Variants in KNTC1 observed in about 807,000 individuals in gnomAD.
KNTC1 encodes kinetochore-associated protein 1.
Under a neutral mutation model 314.4 loss-of-function variants are expected in KNTC1, and 253 were observed. The ratio of observed to expected loss-of-function variants is 0.80; its 90% CI spans 0.73 to 0.89. The LOEUF is 0.89. Ranked by LOEUF, KNTC1 falls within the 40% of genes least tolerant of loss-of-function variation. The probability of loss-of-function intolerance (pLI) is 0.00; values close to 1 mark genes in which losing one functional copy is unlikely to be tolerated. For missense variants in KNTC1, 2,475 were observed against 2,572.9 expected, an observed-to-expected ratio of 0.96 and a Z score of 0.82; for synonymous variants, 901 against 901.4, an observed-to-expected ratio of 1.00 and a Z score of 0.01.
chr12:122,582,862 G>C lies in KNTC1; in HGVS notation c.3140G>C (p.Ser1047Thr). 6.2e-7 allele frequency: 1 copy of C among 1,612,226 alleles called. No homozygotes were observed. Among genetic ancestry groups the C allele is most frequent in the Non-Finnish European group, 8.5e-7 (1 of 1,179,132 alleles). The change falls in exon 34 of 64, where the codon AGC becomes ACC. Residue 1047 changes from serine to threonine, a missense_variant. Coordinates refer to ENST00000333479, the MANE Select transcript of KNTC1 (RefSeq NM_014708.6). Reference protein sequence around the residue: ...EPIAAEVRSPSMESKLHRQAL... With the variant: ...EPIAAEVRSPTMESKLHRQAL... ...ATAGCTGCTGAGGTGAGGAGCCCAA[G>C]CATGGAATCAAAGCTGCACAGACAG... is the stretch of plus-strand genomic sequence containing the variant.
intron 2 of KNTC1, among the ~76,000 whole-genome samples, chr12:122,533,362 C>G (rs1961530616): frequency 6.6e-6 from 1 of 152,032 alleles, no homozygotes; most frequent in Admixed American, 6.6e-5. Flanking sequence ...TTGGCAGTGC[C>G]TTCATGTAAC....
intron 3 of KNTC1, 93 bp from the exon 4 acceptor site, chr12:122,538,246 C>T (rs546901876): frequency 1.0e-5 from 7 of 679,430 alleles, no homozygotes; most frequent in South Asian, 3.8e-5. Flanking sequence ...CTTAAGTAAT[C>T]GTTGGCTTTT....
At chr12:122,590,047 G>T (rs1263766237) in intron 40 of KNTC1, among the ~76,000 whole-genome samples, 2 of 151,974 alleles carry the variant, frequency 1.3e-5, no homozygotes, top group African/African-American at 4.8e-5. Flanking sequence ...GCCTCCCAAA[G>T]TGCTGGGATT....
Position 122,601,622 on chromosome 12 carries a change from T to G in KNTC1, c.4650T>G (p.Asn1550Lys). 1 of 1,515,424 alleles carries G rather than the reference T, an allele frequency of 6.6e-7. No individual in the cohort carries two copies. The highest frequency in any genetic ancestry group is 8.8e-7 in the Non-Finnish European group (1 of 1,131,846). The allele number at this position is 1,515,424 out of a possible 1,614,324, so 93.9% of individuals were successfully genotyped here. A position where few individuals can be genotyped will look rare whatever the true frequency, so the allele number is the denominator to read the frequency against. The part of the protein sequence containing the change: ...ADEKITNINI[N>K]QALSILKHLK... The stretch of plus-strand genomic sequence containing the variant: ...AAAAGATAACCAATATTAATATTAA[T>G]CAGGTATAACAAATATATCAAAGAT... Residue 1550 changes from asparagine (N) to lysine (K), a missense_variant, in exon 45 of 64, where the codon AAT becomes AAG. Transcript: ENST00000333479.
rs974868218 is a variant in KNTC1, at chr12:122,573,376, C to T, written c.2283+91C>T. ...TTAACTCTTTAAGGAATGTCATATGCTTTCTCAGTAGGACTCATGCAGCAT... is the reference window on the plus strand; with the variant it reads ...TTAACTCTTTAAGGAATGTCATATGTTTTCTCAGTAGGACTCATGCAGCAT... On this transcript the variant is annotated intron_variant, in intron 26 of 63. Transcript: ENST00000333479. 25 of 1,173,818 alleles carry T rather than the reference C, an allele frequency of 2.1e-5. No individual in the cohort carries two copies. In the Admixed American group the frequency reaches 5.4e-4, roughly 25 times the overall value. The allele number at this position is 1,173,818 out of a possible 1,614,324, so 72.7% of individuals were successfully genotyped here. A position where few individuals can be genotyped will look rare whatever the true frequency, so the allele number is the denominator to read the frequency against.
Position 122,591,356 on chromosome 12 carries a change from C to T in KNTC1, c.4148C>T (p.Ser1383Phe), listed in dbSNP as rs757648651. 1 of 1,607,008 alleles carries T rather than the reference C, an allele frequency of 6.2e-7. No individual in the cohort carries two copies. The highest frequency in any genetic ancestry group is 8.5e-7 in the Non-Finnish European group (1 of 1,173,718). ...TTTTAGGCAATATCTCTGGTGGGCTCTGAGCTGGCAAGTCTCTATCAGGAA... is the reference window on the plus strand; with the variant it reads ...TTTTAGGCAATATCTCTGGTGGGCTTTGAGCTGGCAAGTCTCTATCAGGAA... ...DKILAISLVG[S>F]ELASLYQEIE... The change falls in exon 42 of 64, where the codon TCT becomes TTT. Residue 1383 changes from serine (S) to phenylalanine (F), a missense_variant. Transcript: ENST00000333479.
chr12:122,538,755 GGCTTAGCTCTTGTCATTTTGAGGAA>G (rs1962050426), intron 4 of KNTC1, among the ~76,000 whole-genome samples: 2 of 152,170 alleles, frequency 1.3e-5, no homozygotes, highest in South Asian at 4.1e-4. Context: ...CTCCCCGAAG[GGCTTAGCTCTTGTCATTTTGAGGAA>G]GCTGAGGTGA....
intron 37 of KNTC1, 146 bp downstream of exon 37, chr12:122,585,920 T>A: frequency 1.4e-6 from 1 of 719,270 alleles, no homozygotes; most frequent in Non-Finnish European, 2.3e-6. Flanking sequence ...TACAAAAGAA[T>A]AAATACTGTG....
chr12:122,589,583 G>A lies in KNTC1; in HGVS notation c.3999+767G>A, dbSNP rs534749277. 4.0e-5 allele frequency among the ~76,000 whole-genome samples: 6 copies of A among 150,216 alleles called. No homozygotes were observed. The Admixed American group carries it at 4.0e-4, about 10-fold the overall frequency. ...ACTCATGGGCTCAAGCAACCCTCCTGCTGCTCAGCCTCCTGAGTATCTGGG... is the reference window on the plus strand; with the variant it reads ...ACTCATGGGCTCAAGCAACCCTCCTACTGCTCAGCCTCCTGAGTATCTGGG... On this transcript the variant is annotated intron_variant, in intron 40 of 63. Coordinates refer to ENST00000333479, the MANE Select transcript of KNTC1 (RefSeq NM_014708.6).
rs760496099 is a variant in KNTC1 at position 122,568,258 on chromosome 12, C to T, written c.1605-3C>T. 5.1e-6 allele frequency: 7 copies of T among 1,382,064 alleles called. No individual in the cohort carries two copies. The South Asian group carries it at 7.3e-5, about 15-fold the overall frequency. 85.6% of individuals were successfully genotyped at this position (1,382,064 alleles called of 1,614,324 possible). ...GACTTTTTTCCCTTCTTTGTCTATTCAGTGGCAGTTCTTGGATTGAATTTC... is the reference window on the plus strand; with the variant it reads ...GACTTTTTTCCCTTCTTTGTCTATTTAGTGGCAGTTCTTGGATTGAATTTC... On this transcript the variant is annotated splice_region_variant and splice_polypyrimidine_tract_variant and intron_variant, in intron 20 of 63. Transcript: ENST00000333479.
chr12:122,566,289 C>G (rs551739694), intron 20 of KNTC1, among the ~76,000 whole-genome samples: 1 of 151,514 alleles, frequency 6.6e-6, no homozygotes, highest in Admixed American at 6.6e-5. Context: ...CTCTTGTCGC[C>G]CAGGCTCGAG....
Position 122,573,147 on chromosome 12 carries a change from T to TA in KNTC1, c.2146dup (p.Thr716AsnfsTer10). 6.2e-7 allele frequency: 1 copy of TA among 1,613,838 alleles called. No individual in the cohort carries two copies. The highest frequency in any genetic ancestry group is 8.5e-7 in the Non-Finnish European group (1 of 1,179,860). ...ATCTTTCTTTTGGCATCCAGGAAAA[T>TA]ACAACCACCATAGTGTTCCGAATGT... is the stretch of plus-strand genomic sequence containing the variant. On this transcript the variant is annotated frameshift_variant, in exon 26 of 64. Transcript: ENST00000333479. LOFTEE classifies it high-confidence loss of function.
chr12:122,536,926 A>C (rs1961884410), intron 3 of KNTC1, among the ~76,000 whole-genome samples: 1 of 152,366 alleles, frequency 6.6e-6, no homozygotes, highest in South Asian at 2.1e-4. Context: ...TCTTGATTGC[A>C]ACATGGAGGC....
intron 2 of KNTC1, among the ~76,000 whole-genome samples, chr12:122,532,731 A>T (rs1454792656): frequency 6.6e-6 from 1 of 152,222 alleles, no homozygotes; most frequent in Non-Finnish European, 1.5e-5. Context: ...ATAAGATGGC[A>T]TCTTATTCAT....
intron 17 of KNTC1, 21 bp from the exon 18 acceptor site, chr12:122,557,579 T>G: frequency 6.2e-7 from 1 of 1,610,754 alleles, no homozygotes; most frequent in Non-Finnish European, 8.5e-7. Context: ...TGCCTTACTG[T>G]GTCTGGCATT....
rs1339389079 is a variant in KNTC1 at position 122,584,260 on chromosome 12, A to T, written c.3264-18A>T. 2 of 1,587,760 alleles carry T rather than the reference A, an allele frequency of 1.3e-6. No individual in the cohort carries two copies. The highest frequency in any genetic ancestry group is 2.2e-5 in the East Asian group (1 of 44,498). ...CAATGTGAGTATTCTAACTACCAATACTTTCTTTCTTCCAAAGCGACTTGT... is the reference window on the plus strand; with the variant it reads ...CAATGTGAGTATTCTAACTACCAATTCTTTCTTTCTTCCAAAGCGACTTGT... On this transcript the variant is annotated intron_variant, in intron 34 of 63. Transcript: ENST00000333479.
intron 16 of KNTC1, among the ~76,000 whole-genome samples, chr12:122,553,705 G>C (rs1963353757): frequency 6.6e-6 from 1 of 152,044 alleles, no homozygotes; most frequent in African/African-American, 2.4e-5. Context: ...TGATGTGGGG[G>C]CAATAGCATA....
At chr12:122,563,166 CTTG>C (rs761939397) in intron 20 of KNTC1, among the ~76,000 whole-genome samples, 2 of 151,932 alleles carry the variant, frequency 1.3e-5, no homozygotes, top group African/African-American at 2.4e-5. Context: ...GCTGAACATC[CTTG>C]TTGTCATTTC....
In KNTC1 at chr12:122,601,622, T is replaced by C; in HGVS notation, c.4650T>C (p.Asn1550=). The change falls in exon 45 of 64, where the codon AAT becomes AAC. Residue 1550 remains asparagine (N), a synonymous_variant. Coordinates refer to ENST00000333479, the MANE Select transcript of KNTC1 (RefSeq NM_014708.6). ...AAAAGATAACCAATATTAATATTAA[T>C]CAGGTATAACAAATATATCAAAGAT... is the stretch of plus-strand genomic sequence containing the variant. ...ADEKITNINI[N]QALSILKHLK... is the part of the protein sequence containing the mutation. The C allele has an allele frequency of 1.3e-6, 2 of 1,515,424 alleles. No homozygotes were observed. The highest frequency in any genetic ancestry group is 1.8e-6 in the Non-Finnish European group (2 of 1,131,846). 93.9% of individuals were successfully genotyped at this position (1,515,424 alleles called of 1,614,324 possible).
Sources: allele counts gnomAD v4.1 joint callset (sites outside exome capture counted in the v4.1 genomes callset), GRCh38; gene constraint gnomAD v4.1.1; transcripts MANE v1.5; gene names NCBI Gene and HGNC (gene_info 2026-07-23, HGNC 2026-07-21).